CLIC5: variants seen among roughly 807,000 people sequenced by gnomAD.
CLIC5 encodes the protein chloride intracellular channel protein 5.
In CLIC5, 20 loss-of-function variants were observed where a neutral mutation model predicts 24.7. That is an observed-to-expected ratio of 0.81 (90% CI 0.57 to 1.18). CLIC5 has a LOEUF of 1.18. Ranked by LOEUF, CLIC5 falls within the 50% of genes most tolerant of loss-of-function variation. The pLI is 0.00. For missense variants in CLIC5, 341 were observed against 326.1 expected (o/e 1.05, Z -0.35); for synonymous variants, 159 against 135.6 (o/e 1.17, Z -1.20).
intron 4 of CLIC5, among the ~76,000 whole-genome samples, chr6:45,916,851 T>C (rs1190247084): frequency 2.6e-5 from 4 of 152,218 alleles, no homozygotes; most frequent in African/African-American, 4.8e-5. Context: ...AGGCACCCTC[T>C]GTGTATCAGT....
At position 45,884,783 on chromosome 6, in the gene CLIC5, C is replaced by T. The variant is rs533641037; in HGVS notation, c.624-3595G>A. Among the ~76,000 whole-genome samples the T allele has an allele frequency of 2.4e-4, 36 of 152,126 alleles. No individual in the cohort carries two copies. The South Asian group carries it at 4.0e-3, about 17-fold the overall frequency. ...CAATAACTGAGGAAGACCATGTGGC[C>T]TCCCATGTGGGGAACTGGATTAAAG... On this transcript the variant is annotated intron_variant, in intron 6 of 6. Coordinates refer to the CLIC5 transcript ENST00000644324.
chr6:45,997,693 C>T (rs1358677329), intron 1 of CLIC5, among the ~76,000 whole-genome samples: 5 of 152,044 alleles, frequency 3.3e-5, no homozygotes, highest in East Asian at 3.9e-4. Flanking sequence ...GGCAAAAGTG[C>T]CCTTTATTGT....
At chr6:45,928,762 G>C (rs1763602239) in intron 4 of CLIC5, among the ~76,000 whole-genome samples, 2 of 131,590 alleles carry the variant, frequency 1.5e-5, no homozygotes, top group Non-Finnish European at 3.2e-5. Context: ...CACACGAAGT[G>C]CATAAGTGTG....
At chr6:46,030,689 A>C (rs753319484) in intron 1 of CLIC5, among the ~76,000 whole-genome samples, 22 of 152,100 alleles carry the variant, frequency 1.4e-4, no homozygotes, top group Non-Finnish European at 2.4e-4. Context: ...GATTTCCTAC[A>C]TGCACACCTT....
chr6:45,979,206 A>T (rs1765486956), intron 1 of CLIC5, among the ~76,000 whole-genome samples: 2 of 152,172 alleles, frequency 1.3e-5, no homozygotes, highest in Admixed American at 6.5e-5. Context: ...TATATCTCAC[A>T]GTGCCATGAA....
intron 3 of CLIC5, among the ~76,000 whole-genome samples, chr6:45,941,923 G>A (rs1055121320): frequency 2.6e-5 from 4 of 152,172 alleles, no homozygotes; most frequent in African/African-American, 7.2e-5. Context: ...GGGGTCTCAG[G>A]ATGTGTCCTT....
chr6:45,935,661 G>T lies in CLIC5; in HGVS notation c.406+5886C>A, dbSNP rs75168515. Among the ~76,000 whole-genome samples, 749 of 152,242 alleles carry T rather than the reference G, an allele frequency of 4.9e-3. 7 individuals are homozygous for T. Among genetic ancestry groups the T allele is most frequent in the African/African-American group, 0.016 (666 of 41,536 alleles). ...TCTCCCATCTCAAAGATGCTCTTTC[G>T]CAGGACCACGAGCACTCTTCCCATG... On this transcript the variant is annotated intron_variant, in intron 4 of 5. Transcript: ENST00000339561.
intron 1 of CLIC5, among the ~76,000 whole-genome samples, chr6:45,985,620 C>T (rs1490702145): frequency 6.6e-6 from 1 of 152,058 alleles, no homozygotes; most frequent in Non-Finnish European, 1.5e-5. Context: ...TCAAGGGGCT[C>T]CCTGCCCTCT....
intron 5 of CLIC5, among the ~76,000 whole-genome samples, chr6:45,909,922 C>T (rs1762770487): frequency 6.6e-6 from 1 of 152,136 alleles, no homozygotes; most frequent in Non-Finnish European, 1.5e-5. Flanking sequence ...CTTTTGTCTC[C>T]ATTTTGGTGC....
At chr6:45,965,521 C>T (rs1164113284) in intron 1 of CLIC5, among the ~76,000 whole-genome samples, 1 of 152,150 alleles carries the variant, frequency 6.6e-6, no homozygotes, top group Non-Finnish European at 1.5e-5. Context: ...TACTGTCATC[C>T]TATTCTTTAG....
intron 1 of CLIC5, among the ~76,000 whole-genome samples, chr6:45,956,946 A>G (rs1764665746): frequency 6.6e-6 from 1 of 152,206 alleles, no homozygotes; most frequent in Non-Finnish European, 1.5e-5. Context: ...CAATTTAATA[A>G]TAGCTTGGTG....
intron 6 of CLIC5, among the ~76,000 whole-genome samples, chr6:45,885,233 G>A (rs940234991): frequency 6.6e-5 from 10 of 152,090 alleles, no homozygotes; most frequent in Admixed American, 6.5e-5. Flanking sequence ...CGATCTCACA[G>A]AGCTCTCTCG....
At chr6:46,052,555 T>TG (rs921066426) in intron 1 of CLIC5, among the ~76,000 whole-genome samples, 7 of 151,972 alleles carry the variant, frequency 4.6e-5, no homozygotes, top group African/African-American at 1.7e-4. Flanking sequence ...ACAGAGGAGG[T>TG]GGGGGCCCTG....
intron 2 of CLIC5, among the ~76,000 whole-genome samples, chr6:45,949,748 C>G (rs930665825): frequency 6.6e-6 from 1 of 152,164 alleles, no homozygotes; most frequent in African/African-American, 2.4e-5. Flanking sequence ...ATCTGCCTAA[C>G]AAAAATGCGC....
intron 1 of CLIC5, among the ~76,000 whole-genome samples, chr6:46,049,136 A>G (rs1052431239): frequency 6.6e-6 from 1 of 152,212 alleles, no homozygotes; most frequent in Non-Finnish European, 1.5e-5. Context: ...ATGAAGGTTG[A>G]GAAGAGCAGT....
downstream of CLIC5, among the ~76,000 whole-genome samples, chr6:45,894,266 TG>T (rs1236488008): frequency 6.6e-6 from 1 of 152,250 alleles, no homozygotes; most frequent in Non-Finnish European, 1.5e-5. Context: ...TGGAACAATC[TG>T]GAGGTAAATT....
chr6:45,981,511 C>T (rs1765567453), intron 1 of CLIC5, among the ~76,000 whole-genome samples: 1 of 152,154 alleles, frequency 6.6e-6, no homozygotes, highest in Admixed American at 6.5e-5. Context: ...ATATATTTAT[C>T]AAAGACCATA....
intron 1 of CLIC5, among the ~76,000 whole-genome samples, chr6:46,030,992 A>C (rs2127455567): frequency 6.6e-6 from 1 of 152,358 alleles, no homozygotes. Context: ...TTTAAAAAGA[A>C]GAAATTGTGT....
the CLIC5 span, among the ~76,000 whole-genome samples, chr6:46,095,209 C>A: frequency 6.6e-6 from 1 of 151,792 alleles, no homozygotes; most frequent in Non-Finnish European, 1.5e-5. Flanking sequence ...TGTGATGGGA[C>A]GGGCTGCCAT....
Sources: gnomAD v4.1 joint callset for allele counts (sites outside exome capture counted in the v4.1 genomes callset) on GRCh38, gnomAD v4.1.1 for gene constraint, MANE v1.5 for transcripts, NCBI Gene and HGNC (gene_info 2026-07-23, HGNC 2026-07-21) for gene names.